The following USB1 variants were observed in gnomAD, a reference collection of about 807,000 sequenced individuals.
The protein encoded by USB1 is U6 snRNA phosphodiesterase 1.
A neutral mutation model predicts 29.9 loss-of-function variants in USB1; 21 were observed. The ratio of observed to expected loss-of-function variants is 0.70; its 90% CI spans 0.50 to 1.01. The LOEUF is 1.01. Ranked by LOEUF, USB1 falls within the 50% of genes least tolerant of loss-of-function variation. The probability of loss-of-function intolerance (pLI) is 0.00; values close to 1 mark genes in which losing one functional copy is unlikely to be tolerated. For synonymous variants in USB1, 143 were observed against 134.9 expected, an observed-to-expected ratio of 1.06 and a Z score of -0.42; for missense variants, 330 against 347.1, an observed-to-expected ratio of 0.95 and a Z score of 0.39.
intron 3 of USB1, chr16:58,011,548 C>A (rs926080223): frequency 2.0e-6 from 2 of 999,010 alleles, no homozygotes; most frequent in African/African-American, 3.5e-5. Flanking sequence ...ATCAGTCGGT[C>A]CTGTGGTTGT....
chr16:58,003,057 C>A (rs369660524), intron 2 of USB1, among the ~76,000 whole-genome samples: 1 of 152,128 alleles, frequency 6.6e-6, no homozygotes, highest in African/African-American at 2.4e-5. Flanking sequence ...GACCTCACTC[C>A]GCTGCCCACT....
At chr16:58,010,254 C>T in intron 3 of USB1, 142 bp downstream of exon 3, 1 of 976,984 alleles carries the variant, frequency 1.0e-6, no homozygotes, top group South Asian at 1.5e-5. Context: ...GCCTGCTCTA[C>T]TTCTCATCCT....
intron 3 of USB1, chr16:58,012,407 G>A (rs1369325804): frequency 7.1e-7 from 1 of 1,402,788 alleles, no homozygotes; most frequent in South Asian, 1.2e-5. Context: ...AAGATTCAGA[G>A]GTAGCACTGG....
upstream of USB1, chr16:58,001,317 G>A: frequency 1.3e-6 from 1 of 782,254 alleles, no homozygotes; most frequent in Non-Finnish European, 2.1e-6. Context: ...GGAGTCGGTG[G>A]GCTGAATCTT....
chr16:58,017,043 C>T (rs1448056565), intron 4 of USB1: 4 of 436,748 alleles, frequency 9.2e-6, no homozygotes, highest in Non-Finnish European at 1.7e-5. Context: ...GGTGCAGAAG[C>T]TTCTGGGTTT....
intron 4 of USB1, 96 bp from the exon 5 acceptor site, chr16:58,017,238 G>A (rs1218015036): frequency 4.6e-6 from 5 of 1,098,242 alleles, no homozygotes; most frequent in African/African-American, 3.1e-5. Context: ...CCACGGCCCA[G>A]GCCTCTTGGC....
At chr16:58,001,321 G>C, upstream of USB1, 1 of 813,696 alleles carries the variant, frequency 1.2e-6, no homozygotes, top group Non-Finnish European at 2.0e-6. Context: ...TCGGTGGGCT[G>C]AATCTTCACC....
chr16:58,020,680 C>G lies in USB1; in HGVS notation c.*435C>G. ...TCTCTCTTCCCTTCCTGTCTCTCTT[C>G]CCCTCCTCTCTCTCTTCCTGTCCTC... On this transcript the variant is annotated 3_prime_UTR_variant, in exon 7 of 7. Coordinates refer to ENST00000219281, the MANE Select transcript of USB1 (RefSeq NM_024598.4). 3.7e-6 allele frequency: 1 copy of G among 266,712 alleles called. No homozygotes were observed. Among genetic ancestry groups the G allele is most frequent in the Non-Finnish European group, 7.3e-6 (1 of 137,638 alleles). The allele number at this position is 266,712 out of a possible 1,614,324, so 16.5% of individuals were successfully genotyped here. A position where few individuals can be genotyped will look rare whatever the true frequency, so the allele number is the denominator to read the frequency against.
At chr16:58,012,863 G>C in intron 3 of USB1, 1 of 987,350 alleles carries the variant, frequency 1.0e-6, no homozygotes, top group Non-Finnish European at 1.2e-6. Flanking sequence ...CCTTAACTGG[G>C]CACGAGTCCC....
intron 4 of USB1, chr16:58,016,160 C>A: frequency 6.6e-6 from 1 of 152,296 alleles, no homozygotes. Flanking sequence ...GGGTGATGGC[C>A]ATGGAAGACC....
At chr16:58,020,037 C>A in intron 6 of USB1, 104 bp from the exon 7 acceptor site, 1 of 1,051,854 alleles carries the variant, frequency 9.5e-7, no homozygotes, top group Non-Finnish European at 1.5e-6. Context: ...GCAGCCTCAG[C>A]CTCGCCCAGC....
rs754262096 is a variant in USB1, at chr16:58,002,528, C to T, written c.148C>T (p.Leu50=). Residue 50 remains leucine (L), a synonymous_variant, in exon 2 of 7, where the codon CTG becomes TTG. Transcript: ENST00000219281. ...RQRFPVPDSV[L]NMFPGTEEGP... is the part of the protein sequence containing the mutation. Reference sequence around the variant, plus strand: ...GAGATTTCCAGTACCTGACAGTGTGCTGAACATGTTCCCGGGCACCGAGGA... The same window carrying T: ...GAGATTTCCAGTACCTGACAGTGTGTTGAACATGTTCCCGGGCACCGAGGA... 1 of 1,614,084 alleles carries T rather than the reference C, an allele frequency of 6.2e-7. No homozygotes were observed. Among genetic ancestry groups the T allele is most frequent in the Non-Finnish European group, 8.5e-7 (1 of 1,180,034 alleles).
In USB1 at chr16:58,014,265, A is replaced by T; in HGVS notation, c.450-8A>T. Reference sequence around the variant, plus strand: ...ATTTTTCCTGAAATATGGTCTTCTAAATTTCAGATTCTTCTTTACTGCCAA... The same window carrying T: ...ATTTTTCCTGAAATATGGTCTTCTATATTTCAGATTCTTCTTTACTGCCAA... On this transcript the variant is annotated splice_region_variant and splice_polypyrimidine_tract_variant and intron_variant, in intron 3 of 6. Coordinates refer to ENST00000219281, the MANE Select transcript of USB1 (RefSeq NM_024598.4). 6.2e-7 allele frequency: 1 copy of T among 1,611,332 alleles called. No individual in the cohort carries two copies. Among genetic ancestry groups the T allele is most frequent in the Non-Finnish European group, 8.5e-7 (1 of 1,178,022 alleles).
At chr16:58,010,892 A>C (rs1396666579) in intron 3 of USB1, 6 of 652,980 alleles carry the variant, frequency 9.2e-6, no homozygotes, top group Non-Finnish European at 1.7e-5. Flanking sequence ...ATTTTTACGG[A>C]GGCTTCATCA....
chr16:58,016,153 T>C (rs1963610495), intron 4 of USB1: 1 of 152,110 alleles, frequency 6.6e-6, no homozygotes, highest in Non-Finnish European at 1.5e-5. Context: ...TAGATTAGGG[T>C]GATGGCCATG....
chr16:58,013,006 C>G lies in USB1; in HGVS notation c.450-1267C>G. The G allele has an allele frequency of 2.0e-6, 2 of 985,760 alleles. No homozygotes were observed. Among genetic ancestry groups the G allele is most frequent in the Non-Finnish European group, 2.4e-6 (2 of 830,204 alleles). 61.1% of individuals were successfully genotyped at this position (985,760 alleles called of 1,614,324 possible). On this transcript the variant is annotated intron_variant, in intron 3 of 6. Coordinates refer to ENST00000219281, the MANE Select transcript of USB1 (RefSeq NM_024598.4). The surrounding 1 kb of genome is among the most constrained non-coding windows in gnomAD (Gnocchi z 4.3). ...GCACCTGGACCCCTGGGCTGGTTCC[C>G]TCTGAGGAAAGGATCTGTGTCATGA...
upstream of USB1, chr16:58,001,312 C>A: frequency 1.3e-6 from 1 of 755,094 alleles, no homozygotes; most frequent in Non-Finnish European, 2.2e-6. Context: ...AGCTTGGAGT[C>A]GGTGGGCTGA....
At position 58,001,539 on chromosome 16, in the gene USB1, A is replaced by G. The variant is rs770232543; in HGVS notation, c.56A>G (p.Glu19Gly). The G allele has an allele frequency of 1.2e-6, 2 of 1,609,680 alleles. No homozygotes were observed. The highest frequency in any genetic ancestry group is 1.7e-6 in the Non-Finnish European group (2 of 1,178,488). The change falls in exon 1 of 7, where the codon GAG becomes GGG. Residue 19 changes from glutamate to glycine, a missense_variant. Transcript: ENST00000219281. ...AGCAGCGGCTCCGAGGATGAGTCCG[A>G]GGACGGGATGCGGACCAGGCCGGGG... ...YSSSGSEDES[E>G]DGMRTRPGDG...
chr16:58,007,711 G>A (rs1808373472), intron 2 of USB1, among the ~76,000 whole-genome samples: 1 of 152,088 alleles, frequency 6.6e-6, no homozygotes, highest in African/African-American at 2.4e-5. Flanking sequence ...ATTCAGGCTG[G>A]GTGCAGTGGC....
Sources: gnomAD v4.1 joint callset for allele counts (sites outside exome capture counted in the v4.1 genomes callset) on GRCh38, gnomAD v4.1.1 for gene constraint, Gnocchi (gnomAD v3.1) non-coding constraint, MANE v1.5 for transcripts, NCBI Gene and HGNC (gene_info 2026-07-23, HGNC 2026-07-21) for gene names.